The following DDC variants were observed in gnomAD, a reference collection of about 807,000 sequenced individuals.
The protein encoded by DDC is dopa decarboxylase, also known as aromatic-L-amino-acid decarboxylase.
In DDC, 43 loss-of-function variants were observed where a neutral mutation model predicts 60.0. The ratio of observed to expected loss-of-function variants is 0.72; its 90% CI spans 0.56 to 0.92. The LOEUF (loss-of-function observed/expected upper bound fraction) is 0.92, where lower values mean the gene tolerates loss of function less well. Among genes scored for constraint, DDC ranks in the 40% least tolerant of loss-of-function variants. The pLI is 0.00. For synonymous variants in DDC, 232 were observed against 234.6 expected, an observed-to-expected ratio of 0.99 and a Z score of 0.10; for missense variants, 573 against 620.2, an observed-to-expected ratio of 0.92 and a Z score of 0.81.
intron 14 of DDC, among the ~76,000 whole-genome samples, chr7:50,461,751 C>G (rs2242041): frequency 0.078 from 11,860 of 152,248 alleles, 698 homozygotes; most frequent in South Asian, 0.11. Context: ...AATGGAATAA[C>G]TTCAACATAT....
At chr7:50,469,308 G>T (rs550681281) in intron 12 of DDC, among the ~76,000 whole-genome samples, 1 of 150,704 alleles carries the variant, frequency 6.6e-6, no homozygotes, top group Non-Finnish European at 1.5e-5. Context: ...GCTGATAAGT[G>T]GTTCTCAAAT....
chr7:50,540,700 C>A (rs879520527), intron 2 of DDC, among the ~76,000 whole-genome samples: 10 of 152,194 alleles, frequency 6.6e-5, no homozygotes, highest in Non-Finnish European at 1.5e-4. Context: ...CTAGGGGCAT[C>A]CCACCTTTCT....
chr7:50,534,047 A>C (rs1563034856), intron 4 of DDC, among the ~76,000 whole-genome samples: 2 of 152,262 alleles, frequency 1.3e-5, no homozygotes. Flanking sequence ...AACCTGGAGC[A>C]AACACAACCT....
chr7:50,496,228 C>T (rs866864098), intron 8 of DDC, among the ~76,000 whole-genome samples: 1 of 152,028 alleles, frequency 6.6e-6, no homozygotes, highest in East Asian at 1.9e-4. Context: ...GGACTACAGG[C>T]GTGTGCCACC....
chr7:50,511,090 A>AAT lies in DDC; in HGVS notation c.715-7033_715-7032dup, dbSNP rs1554425876. On this transcript the variant is annotated intron_variant, in intron 6 of 14. Transcript: ENST00000444124. ...ACACACACACACACACACACAAAAT[A>AAT]ATATATAATTTATTTAATAGGAGTT... 1.6e-3 allele frequency among the ~76,000 whole-genome samples: 224 copies of AAT among 142,246 alleles called. 1 individual carries two copies. Among genetic ancestry groups the AAT allele is most frequent in the African/African-American group, 5.4e-3 (209 of 38,964 alleles). The allele number at this position is 142,246 out of a possible 152,430, so 93.3% of individuals were successfully genotyped here.
intron 4 of DDC, among the ~76,000 whole-genome samples, chr7:50,533,023 A>G (rs1307664917): frequency 1.3e-5 from 2 of 152,218 alleles, no homozygotes; most frequent in Non-Finnish European, 2.9e-5. Flanking sequence ...CAAATATCTT[A>G]GGTATTATTT....
At chr7:50,500,611 A>G (rs1252359744) in intron 7 of DDC, among the ~76,000 whole-genome samples, 1 of 152,144 alleles carries the variant, frequency 6.6e-6, no homozygotes, top group Non-Finnish European at 1.5e-5. Context: ...GGGGTTATGC[A>G]AGCACCAGGT....
intron 9 of DDC, among the ~76,000 whole-genome samples, chr7:50,480,184 G>A (rs1308272382): frequency 6.6e-6 from 1 of 152,190 alleles, no homozygotes; most frequent in Non-Finnish European, 1.5e-5. Context: ...TCTCCAGGGA[G>A]GGTAGGGGGC....
At chr7:50,460,185 G>T (rs1470597162) in intron 14 of DDC, among the ~76,000 whole-genome samples, 12 of 143,188 alleles carry the variant, frequency 8.4e-5, no homozygotes, top group Non-Finnish European at 1.5e-4. Context: ...GGAAGGAGGT[G>T]GGGGGGTCAG....
chr7:50,547,334 C>T (rs2044841302), intron 1 of DDC, among the ~76,000 whole-genome samples: 1 of 152,058 alleles, frequency 6.6e-6, no homozygotes, highest in African/African-American at 2.4e-5. Context: ...CCTCAGCCTC[C>T]CGAGTAGCTG....
intron 11 of DDC, among the ~76,000 whole-genome samples, chr7:50,471,874 C>T (rs1460795739): frequency 2.6e-5 from 4 of 152,168 alleles, no homozygotes; most frequent in Non-Finnish European, 5.9e-5. Context: ...ACGACGCTTC[C>T]CTGCCATGGT....
chr7:50,481,622 T>TAA (rs1469629724), intron 9 of DDC, among the ~76,000 whole-genome samples: 1 of 152,170 alleles, frequency 6.6e-6, no homozygotes, highest in Non-Finnish European at 1.5e-5. Flanking sequence ...AAATAAAACT[T>TAA]AAATTATAAG....
chr7:50,492,925 C>G (rs779300754), intron 9 of DDC: 5 of 1,597,526 alleles, frequency 3.1e-6, no homozygotes, highest in Admixed American at 3.3e-5. Flanking sequence ...CTCCACGTCC[C>G]GAAAGGCTCA....
intron 14 of DDC, among the ~76,000 whole-genome samples, chr7:50,460,347 C>A (rs2042241788): frequency 6.9e-6 from 1 of 144,238 alleles, no homozygotes; most frequent in Admixed American, 6.8e-5. Flanking sequence ...GCCGCCCCGT[C>A]CAGGAAGGAG....
In DDC at chr7:50,499,201, C is replaced by T. The variant is rs137853212; in HGVS notation, c.823G>A (p.Ala275Thr). The change falls in exon 8 of 15, where the codon GCA (alanine) becomes ACA (threonine). Residue 275 changes from alanine to threonine, a missense_variant. Physicochemically the swap from Ala to Thr is moderately conservative, Grantham distance 58 (BLOSUM62 0). Transcript: ENST00000444124. ...DIWLHVDAAY[A>T]GSAFICPEFR... ...TCAGGGCAGATGAATGCACTGCCTGCGTAGGCTGCATCAACGTGCAGCCAT... is the reference window on the plus strand; with the variant it reads ...TCAGGGCAGATGAATGCACTGCCTGTGTAGGCTGCATCAACGTGCAGCCAT... The T allele has an allele frequency of 9.9e-6, 16 of 1,613,810 alleles. No homozygotes were observed. Among genetic ancestry groups the T allele is most frequent in the African/African-American group, 5.3e-5 (4 of 74,900 alleles).
At chr7:50,494,912 C>T (rs1480727594) in intron 9 of DDC, among the ~76,000 whole-genome samples, 1 of 152,164 alleles carries the variant, frequency 6.6e-6, no homozygotes, top group African/African-American at 2.4e-5. Flanking sequence ...ATCCACCCGC[C>T]TCGGCCTCCC....
At chr7:50,561,041 TC>T in intron 1 of DDC, 1 of 141,700 alleles carries the variant, frequency 7.1e-6, no homozygotes, top group African/African-American at 2.5e-5. Flanking sequence ...TTGCTCTCTG[TC>T]CTCTCTCTCT....
intron 7 of DDC, among the ~76,000 whole-genome samples, chr7:50,501,080 C>A (rs1027888965): frequency 1.3e-5 from 2 of 152,186 alleles, no homozygotes; most frequent in African/African-American, 4.8e-5. Flanking sequence ...TTGCATGCAC[C>A]AGGGGCACAC....
chr7:50,492,822 T>C (rs2043030497), intron 9 of DDC: 1 of 1,507,228 alleles, frequency 6.6e-7, no homozygotes, highest in Non-Finnish European at 8.8e-7. Flanking sequence ...GGGGAAGAGT[T>C]GTCCGGGAGA....
Sources: gnomAD v4.1 joint callset for allele counts (sites outside exome capture counted in the v4.1 genomes callset) on GRCh38, gnomAD v4.1.1 for gene constraint, MANE v1.5 for transcripts, NCBI Gene and HGNC (gene_info 2026-07-23, HGNC 2026-07-21) for gene names.